The following TSHR variants were observed in gnomAD, a reference collection of about 807,000 sequenced individuals.
The protein encoded by TSHR is thyroid stimulating hormone receptor.
In TSHR, 51 loss-of-function variants were observed where a neutral mutation model predicts 64.1. That is an observed-to-expected ratio of 0.80 (90% CI 0.64 to 1.01). TSHR has a LOEUF of 1.01. TSHR is among the 50% of genes least tolerant of loss of function. The pLI is 0.00. For missense variants in TSHR, 877 were observed against 942.8 expected, an observed-to-expected ratio of 0.93 and a Z score of 0.91; for synonymous variants, 361 against 361.9, an observed-to-expected ratio of 1.00 and a Z score of 0.03.
intron 1 of TSHR, among the ~76,000 whole-genome samples, chr14:80,964,789 C>A (rs1296346085): frequency 6.6e-6 from 1 of 152,168 alleles, no homozygotes; most frequent in Admixed American, 6.5e-5. Flanking sequence ...TACAAACAAC[C>A]CTAACAGACA....
At chr14:80,968,181 AG>A (rs1887414166) in intron 1 of TSHR, among the ~76,000 whole-genome samples, 1 of 152,136 alleles carries the variant, frequency 6.6e-6, no homozygotes, top group African/African-American at 2.4e-5. Flanking sequence ...GCCTGAAGCT[AG>A]TCAGAGCTCA....
chr14:80,997,185 A>C (rs1466895017), intron 1 of TSHR, among the ~76,000 whole-genome samples: 1 of 152,214 alleles, frequency 6.6e-6, no homozygotes, highest in Non-Finnish European at 1.5e-5. Context: ...TAGAAAGGAA[A>C]CTGGAAGAAG....
intron 1 of TSHR, chr14:80,983,626 T>C: frequency 2.2e-6 from 2 of 895,026 alleles, no homozygotes; most frequent in Non-Finnish European, 1.7e-6. Context: ...AAAGGGATTA[T>C]TGAAGCAATG....
intron 1 of TSHR, among the ~76,000 whole-genome samples, chr14:81,015,505 A>C (rs10873332): frequency 0.53 from 80,158 of 152,008 alleles, 24,269 homozygotes; most frequent in Non-Finnish European, 0.67. Context: ...TAATTTTTTA[A>C]ATTGAAAAAT....
chr14:81,093,301 A>C (rs1888901045), intron 6 of TSHR, among the ~76,000 whole-genome samples: 1 of 152,258 alleles, frequency 6.6e-6, no homozygotes, highest in South Asian at 2.1e-4. Context: ...TAGATGCTTA[A>C]TTAGGGATAT....
intron 1 of TSHR, among the ~76,000 whole-genome samples, chr14:81,048,964 T>C (rs1374959569): frequency 3.9e-5 from 6 of 152,298 alleles, no homozygotes; most frequent in Non-Finnish European, 8.8e-5. Flanking sequence ...AGTTTGGTGA[T>C]GTTTTTGTGA....
At chr14:81,105,280 C>T (rs955946951) in intron 7 of TSHR, 1 of 963,630 alleles carries the variant, frequency 1.0e-6, no homozygotes, top group African/African-American at 1.8e-5. Context: ...GATGGAAGCA[C>T]TTTCCTGGAT....
intron 6 of TSHR, among the ~76,000 whole-genome samples, chr14:81,093,115 A>T (rs1179159180): frequency 6.6e-6 from 1 of 152,062 alleles, no homozygotes; most frequent in Non-Finnish European, 1.5e-5. Flanking sequence ...TCACTGAGTT[A>T]AAAAAAAGTG....
chr14:81,066,563 T>C (rs1051228367), intron 2 of TSHR, among the ~76,000 whole-genome samples: 6 of 152,118 alleles, frequency 3.9e-5, no homozygotes, highest in African/African-American at 1.4e-4. Context: ...AGATAAAAAC[T>C]TAGAATGGAA....
At chr14:80,977,520 A>G (rs1409506630) in intron 1 of TSHR, among the ~76,000 whole-genome samples, 1 of 152,238 alleles carries the variant, frequency 6.6e-6, no homozygotes, top group African/African-American at 2.4e-5. Flanking sequence ...TAGCACCCCA[A>G]GAGATGTTTT....
At chr14:81,084,856 TTC>T (rs1888168676) in intron 3 of TSHR, among the ~76,000 whole-genome samples, 1 of 152,248 alleles carries the variant, frequency 6.6e-6, no homozygotes, top group South Asian at 2.1e-4. Flanking sequence ...TCTTTCACCC[TTC>T]TCTGATTAGA....
chr14:81,074,369 G>A (rs1410992715), intron 3 of TSHR, among the ~76,000 whole-genome samples: 2 of 152,080 alleles, frequency 1.3e-5, no homozygotes, highest in African/African-American at 2.4e-5. Flanking sequence ...TAATACATTT[G>A]TTTTATAATC....
In TSHR at chr14:81,103,834, T is replaced by C; in HGVS notation, c.615-4541T>C. On this transcript the variant is annotated intron_variant, in intron 7 of 9. Coordinates refer to ENST00000298171, the MANE Select transcript of TSHR (RefSeq NM_000369.5). The surrounding 1 kb of genome is among the most constrained non-coding windows in gnomAD (Gnocchi z 4.1). The stretch of plus-strand genomic sequence containing the variant: ...CTGATTCTCTGTATCACATTTCCTA[T>C]TGTCAAACTCTAGTAACTAGCTACT... The C allele has an allele frequency of 2.0e-6, 2 of 985,464 alleles. No homozygotes were observed. Among genetic ancestry groups the C allele is most frequent in the Non-Finnish European group, 2.4e-6 (2 of 829,930 alleles). 61.0% of individuals were successfully genotyped at this position (985,464 alleles called of 1,614,324 possible). A position where few individuals can be genotyped will look rare whatever the true frequency, so the allele number is the denominator to read the frequency against.
intron 8 of TSHR, among the ~76,000 whole-genome samples, chr14:81,131,305 A>T (rs1275128286): frequency 2.6e-5 from 4 of 151,976 alleles, no homozygotes; most frequent in Non-Finnish European, 4.4e-5. Flanking sequence ...CACTGCTACC[A>T]CCCTAGTCCA....
Position 81,087,588 on chromosome 14 carries a change from A to G in TSHR, c.318-366A>G, listed in dbSNP as rs116055214. On this transcript the variant is annotated intron_variant, in intron 3 of 9. Coordinates refer to ENST00000298171, the MANE Select transcript of TSHR (RefSeq NM_000369.5). ...ACTCATTGTCTTGGCCAGAATACTT[A>G]TAAATAATAAAGATATTTGTCTTCA... is the stretch of plus-strand genomic sequence containing the variant. 1,556 of 319,098 alleles carry G rather than the reference A, an allele frequency of 4.9e-3. 23 individuals are homozygous for G. The highest frequency in any genetic ancestry group is 0.029 in the African/African-American group (1,325 of 45,964). 19.8% of individuals were successfully genotyped at this position (319,098 alleles called of 1,614,324 possible). A position where few individuals can be genotyped will look rare whatever the true frequency, so the allele number is the denominator to read the frequency against.
At chr14:81,137,750 T>C (rs1159078310) in intron 8 of TSHR, among the ~76,000 whole-genome samples, 3 of 152,236 alleles carry the variant, frequency 2.0e-5, no homozygotes, top group Non-Finnish European at 4.4e-5. Flanking sequence ...GTAACTGAAA[T>C]AATTACTAAC....
chr14:81,055,185 C>T (rs982437058), intron 1 of TSHR, among the ~76,000 whole-genome samples: 1 of 150,490 alleles, frequency 6.6e-6, no homozygotes, highest in African/African-American at 2.4e-5. Flanking sequence ...GATGCAAGCC[C>T]CAAGCCTTGG....
intron 1 of TSHR, among the ~76,000 whole-genome samples, chr14:80,997,468 A>G (rs1889083619): frequency 1.3e-5 from 2 of 152,198 alleles, no homozygotes; most frequent in Admixed American, 1.3e-4. Flanking sequence ...TAGATGAAAA[A>G]TGGATTTGGG....
chr14:81,039,526 A>G (rs1030844209), intron 1 of TSHR, among the ~76,000 whole-genome samples: 4 of 151,992 alleles, frequency 2.6e-5, no homozygotes, highest in Non-Finnish European at 2.9e-5. Flanking sequence ...GAGGAACTCA[A>G]ACTGTCCCTG....
Sources: allele counts gnomAD v4.1 joint callset (sites outside exome capture counted in the v4.1 genomes callset), GRCh38; gene constraint gnomAD v4.1.1; non-coding constraint Gnocchi (gnomAD v3.1); transcripts MANE v1.5; gene names NCBI Gene and HGNC (gene_info 2026-07-23, HGNC 2026-07-21).